RNF4: variants seen among roughly 807,000 people sequenced by gnomAD.
RNF4 encodes ring finger protein 4.
Under a neutral mutation model 24.3 loss-of-function variants are expected in RNF4, and 7 were observed. The observed-to-expected ratio is 0.29, with a 90% CI of 0.16 to 0.54. The LOEUF is 0.54. Ranked by LOEUF, RNF4 falls within the 20% of genes least tolerant of loss-of-function variation. The pLI is 0.95. For synonymous variants in RNF4, 83 were observed against 84.3 expected, an observed-to-expected ratio of 0.98 and a Z score of 0.09; for missense variants, 209 against 248.5, an observed-to-expected ratio of 0.84 and a Z score of 1.07.
At chr4:2,511,875 G>T in intron 4 of RNF4, 81 bp from the exon 5 acceptor site, 1 of 1,459,210 alleles carries the variant, frequency 6.9e-7, no homozygotes. Context: ...TCACACGTCA[G>T]AAAAAAGAAA....
At chr4:2,500,172 A>G (rs1251119383) in intron 3 of RNF4, among the ~76,000 whole-genome samples, 1 of 151,996 alleles carries the variant, frequency 6.6e-6, no homozygotes, top group Non-Finnish European at 1.5e-5. Flanking sequence ...AAAAAAAAAA[A>G]AAAAAGAATT....
At chr4:2,473,473 A>G (rs148512601) in intron 1 of RNF4, among the ~76,000 whole-genome samples, 304 of 152,288 alleles carry the variant, frequency 2.0e-3, no homozygotes, top group African/African-American at 7.1e-3. Flanking sequence ...CTTCAATGGA[A>G]AAAGTAACTG....
At chr4:2,499,221 C>A in intron 3 of RNF4, 1 of 422,556 alleles carries the variant, frequency 2.4e-6, no homozygotes, top group South Asian at 1.7e-5. Context: ...AAATGCATTA[C>A]AAGACACTTT....
Position 2,513,914 on chromosome 4 carries a change from G to A in RNF4, c.*95G>A. ...CCATTTTCCTGAGATCAAAAAGACTGTTTCGAAACCAACATCTGATATGTA... is the reference window on the plus strand; with the variant it reads ...CCATTTTCCTGAGATCAAAAAGACTATTTCGAAACCAACATCTGATATGTA... On this transcript the variant is annotated 3_prime_UTR_variant, in exon 8 of 8. Coordinates refer to ENST00000314289, the MANE Select transcript of RNF4 (RefSeq NM_002938.5). 2.6e-6 allele frequency: 4 copies of A among 1,516,536 alleles called. No homozygotes were observed. The highest frequency in any genetic ancestry group is 1.8e-5 in the Admixed American group (1 of 56,458). 93.9% of individuals were successfully genotyped at this position (1,516,536 alleles called of 1,614,324 possible).
intron 1 of RNF4, among the ~76,000 whole-genome samples, chr4:2,489,380 C>T (rs1735511941): frequency 6.6e-6 from 1 of 152,184 alleles, no homozygotes; most frequent in African/African-American, 2.4e-5. Flanking sequence ...GATGTGAGAG[C>T]GTTCCTGTCG....
chr4:2,507,475 G>A (rs1736137698), intron 4 of RNF4, among the ~76,000 whole-genome samples: 1 of 152,222 alleles, frequency 6.6e-6, no homozygotes, highest in African/African-American at 2.4e-5. Context: ...GTAGCTGTTG[G>A]ACATTGAGTA....
chr4:2,474,666 C>T (rs1735012336), intron 1 of RNF4, among the ~76,000 whole-genome samples: 1 of 152,168 alleles, frequency 6.6e-6, no homozygotes, highest in Non-Finnish European at 1.5e-5. Context: ...CACAGCATTG[C>T]ACGCTACAGA....
At chr4:2,509,859 A>G (rs1291255944) in intron 4 of RNF4, among the ~76,000 whole-genome samples, 2 of 152,116 alleles carry the variant, frequency 1.3e-5, no homozygotes, top group African/African-American at 4.8e-5. Context: ...GGGTGGGGGC[A>G]TGTTGGAGCT....
intron 4 of RNF4, among the ~76,000 whole-genome samples, chr4:2,510,162 TC>T (rs1321791350): frequency 2.0e-5 from 3 of 152,342 alleles, no homozygotes; most frequent in African/African-American, 7.2e-5. Flanking sequence ...ACCTTTATAC[TC>T]AGTCCTGCAT....
chr4:2,508,801 G>A (rs1452778401), intron 4 of RNF4, among the ~76,000 whole-genome samples: 1 of 151,386 alleles, frequency 6.6e-6, no homozygotes, highest in African/African-American at 2.4e-5. Flanking sequence ...TAGTAGAGGC[G>A]GGGTTTCTCC....
At chr4:2,500,506 AGGTGTT>A (rs1735877650) in intron 3 of RNF4, among the ~76,000 whole-genome samples, 147 bp from the exon 4 acceptor site, 1 of 152,104 alleles carries the variant, frequency 6.6e-6, no homozygotes, top group Non-Finnish European at 1.5e-5. Flanking sequence ...CTCCTGAGGG[AGGTGTT>A]GGTCCTGGTG....
intron 1 of RNF4, 104 bp downstream of exon 1, chr4:2,469,362 C>G (rs1734817648): frequency 6.6e-6 from 1 of 152,284 alleles, no homozygotes; most frequent in African/African-American, 2.4e-5. Context: ...TTGACCCAGC[C>G]GAGGCTTTGC....
intron 1 of RNF4, chr4:2,470,155 C>T (rs1428835472): frequency 6.6e-6 from 1 of 152,246 alleles, no homozygotes. Flanking sequence ...AGGGTCTCAG[C>T]TCTGGAGCCT....
intron 4 of RNF4, among the ~76,000 whole-genome samples, chr4:2,504,803 C>T (rs1338389932): frequency 1.5e-5 from 2 of 136,526 alleles, no homozygotes; most frequent in African/African-American, 2.8e-5. Context: ...GATCTCAGTT[C>T]ACTCAGTTCA....
At chr4:2,511,917 T>C (rs761016531) in intron 4 of RNF4, 39 bp from the exon 5 acceptor site, 9 of 1,584,218 alleles carry the variant, frequency 5.7e-6, no homozygotes, top group Admixed American at 1.8e-5. Context: ...TCAAACTGAT[T>C]GCTTCTTTCT....
At chr4:2,503,849 G>T (rs916752132) in intron 4 of RNF4, among the ~76,000 whole-genome samples, 1 of 152,168 alleles carries the variant, frequency 6.6e-6, no homozygotes, top group African/African-American at 2.4e-5. Context: ...AATAGTTTGA[G>T]TGCACTGCTT....
At chr4:2,506,928 T>C (rs1042178762) in intron 4 of RNF4, among the ~76,000 whole-genome samples, 1 of 152,182 alleles carries the variant, frequency 6.6e-6, no homozygotes, top group African/African-American at 2.4e-5. Context: ...CTAGAAGCAA[T>C]GCAGTGGTAG....
chr4:2,506,511 C>G (rs934723709), intron 4 of RNF4, among the ~76,000 whole-genome samples: 1 of 145,960 alleles, frequency 6.9e-6, no homozygotes, highest in Non-Finnish European at 1.5e-5. Flanking sequence ...AGCAAATAAT[C>G]TTTTTTTTTT....
In RNF4 at chr4:2,512,883, G is replaced by A. The variant is rs1736307275; in HGVS notation, c.375-200G>A. Among the ~76,000 whole-genome samples the A allele has an allele frequency of 2.6e-5, 4 of 152,170 alleles. No individual in the cohort carries two copies. The highest frequency in any genetic ancestry group is 2.6e-4 in the Admixed American group (4 of 15,274). ...GGGGGAGGGCAGGGTGACTCAGGTT[G>A]TGTGCACCTTCTCATGTTCACCCTC... On this transcript the variant is annotated intron_variant, in intron 6 of 7. Coordinates refer to ENST00000314289, the MANE Select transcript of RNF4 (RefSeq NM_002938.5). The surrounding 1 kb of genome is among the most constrained non-coding windows in gnomAD (Gnocchi z 4.1).
Sources: gnomAD v4.1 joint callset for allele counts (sites outside exome capture counted in the v4.1 genomes callset) on GRCh38, gnomAD v4.1.1 for gene constraint, Gnocchi (gnomAD v3.1) non-coding constraint, MANE v1.5 for transcripts, NCBI Gene and HGNC (gene_info 2026-07-23, HGNC 2026-07-21) for gene names.